The following ADGRE2 variants were observed in gnomAD, a reference collection of about 807,000 sequenced individuals.
ADGRE2 encodes the protein adhesion G protein-coupled receptor E2, also known as CD97 antigen.
A neutral mutation model predicts 100.8 loss-of-function variants in ADGRE2; 83 were observed. The ratio of observed to expected loss-of-function variants is 0.82; its 90% CI spans 0.69 to 0.99. The LOEUF (loss-of-function observed/expected upper bound fraction) is 0.99, where lower values mean the gene tolerates loss of function less well. Ranked by LOEUF, ADGRE2 falls within the 50% of genes least tolerant of loss-of-function variation. The pLI, the probability that ADGRE2 is intolerant of heterozygous loss-of-function variation, is 0.00. For missense variants in ADGRE2, 814 were observed against 1,035.7 expected (o/e 0.79, Z 2.94); for synonymous variants, 355 against 413.0 (o/e 0.86, Z 1.70).
At position 14,770,676 on chromosome 19, in the gene ADGRE2, T is replaced by C. The variant is rs1162325199; in HGVS notation, c.355+1666A>G. 2.7e-4 allele frequency among the ~76,000 whole-genome samples: 32 copies of C among 117,428 alleles called. 4 individuals carry two copies. Among genetic ancestry groups the C allele is most frequent in the African/African-American group, 8.0e-4 (24 of 29,842 alleles). The allele number at this position is 117,428 out of a possible 152,430, so 77.0% of individuals were successfully genotyped here. ...TTTTTGTTTCTTTCTTTTCTTTTTTTTTTTTTTTTTTTTTTTTTTTTGAGA... is the reference window on the plus strand; with the variant it reads ...TTTTTGTTTCTTTCTTTTCTTTTTTCTTTTTTTTTTTTTTTTTTTTTGAGA... On this transcript the variant is annotated intron_variant, in intron 5 of 20. Transcript: ENST00000315576.
chr19:14,756,210 C>A lies in ADGRE2; in HGVS notation c.1192+28G>T, dbSNP rs746707482. On this transcript the variant is annotated intron_variant, in intron 12 of 20. Coordinates refer to ENST00000315576, the MANE Select transcript of ADGRE2 (RefSeq NM_013447.4). ...CATCTTTTCCCACCATGAAGCTTCACTGACCACCTCCCCATCTCAGCCATT... is the reference window on the plus strand; with the variant it reads ...CATCTTTTCCCACCATGAAGCTTCAATGACCACCTCCCCATCTCAGCCATT... The A allele has an allele frequency of 2.7e-6, 4 of 1,505,458 alleles. No individual in the cohort carries two copies. In the South Asian group the frequency reaches 4.5e-5, roughly 17 times the overall value. The allele number at this position is 1,505,458 out of a possible 1,614,324, so 93.3% of individuals were successfully genotyped here. A position where few individuals can be genotyped will look rare whatever the true frequency, so the allele number is the denominator to read the frequency against.
the ADGRE2 span, among the ~76,000 whole-genome samples, chr19:14,726,476 G>T: frequency 6.6e-6 from 1 of 151,964 alleles, no homozygotes; most frequent in Non-Finnish European, 1.5e-5. Flanking sequence ...CTTCTTTACC[G>T]CATGGCCAGG....
chr19:14,758,401 G>A (rs2043575775), intron 11 of ADGRE2, among the ~76,000 whole-genome samples: 1 of 152,150 alleles, frequency 6.6e-6, no homozygotes, highest in African/African-American at 2.4e-5. Flanking sequence ...CAAATGGTGA[G>A]CAAACACATG....
In ADGRE2 at chr19:14,749,321, TATATA is replaced by T. The variant is rs552621116; in HGVS notation, c.2024+2110_2024+2114del. On this transcript the variant is annotated intron_variant, in intron 16 of 20. Transcript: ENST00000315576. ...TATGTAATTATATATGATATATACA[TATATA>T]ATATAATTATAATGATATGATAATA... 5.0e-3 allele frequency among the ~76,000 whole-genome samples: 550 copies of T among 109,882 alleles called. 5 individuals carry two copies. The highest frequency in any genetic ancestry group is 0.021 in the African/African-American group (525 of 25,100). The allele number at this position is 109,882 out of a possible 152,430, so 72.1% of individuals were successfully genotyped here. A position where few individuals can be genotyped will look rare whatever the true frequency, so the allele number is the denominator to read the frequency against.
Position 14,736,211 on chromosome 19 carries a change from G to A in ADGRE2, c.*25C>T. On this transcript the variant is annotated 3_prime_UTR_variant, in exon 21 of 21. Coordinates refer to ENST00000315576, the MANE Select transcript of ADGRE2 (RefSeq NM_013447.4). ...GTTCAGATTTTCCACGGGCAAAGAG[G>A]GAAGATCTTATTCAGAAGATTTTTC... 1.3e-6 allele frequency: 2 copies of A among 1,579,852 alleles called. No individual in the cohort carries two copies. The highest frequency in any genetic ancestry group is 1.7e-6 in the Non-Finnish European group (2 of 1,150,084).
downstream of ADGRE2, among the ~76,000 whole-genome samples, chr19:14,730,589 T>C (rs2042662786): frequency 2.0e-5 from 3 of 152,178 alleles, 1 homozygote; most frequent in South Asian, 6.2e-4. Flanking sequence ...TAAAAAAAGT[T>C]AAAGCTAGCA....
chr19:14,724,727 T>C, the ADGRE2 span, among the ~76,000 whole-genome samples: 2 of 152,088 alleles, frequency 1.3e-5, no homozygotes. Flanking sequence ...CATCATGCCA[T>C]TGCACTCCAG....
At chr19:14,759,503 A>ATTTTT (rs368205522) in intron 11 of ADGRE2, among the ~76,000 whole-genome samples, 1 of 133,378 alleles carries the variant, frequency 7.5e-6, no homozygotes, top group African/African-American at 3.0e-5. Context: ...ATATATATAT[A>ATTTTT]TTTTTTTTTT....
chr19:14,769,215 CA>C (rs768497458), intron 5 of ADGRE2, among the ~76,000 whole-genome samples: 3 of 87,952 alleles, frequency 3.4e-5, no homozygotes, highest in Admixed American at 1.2e-4. Flanking sequence ...CATGGTGAGA[CA>C]CCCCCCCCCC....
chr19:14,760,016 CA>C (rs2043659016), intron 11 of ADGRE2, among the ~76,000 whole-genome samples: 1 of 151,978 alleles, frequency 6.6e-6, no homozygotes, highest in African/African-American at 2.4e-5. Flanking sequence ...GATGGGGTTT[CA>C]CCCTGTTAGC....
At chr19:14,758,959 T>C (rs1324790549) in intron 11 of ADGRE2, among the ~76,000 whole-genome samples, 2 of 151,306 alleles carry the variant, frequency 1.3e-5, no homozygotes, top group East Asian at 3.9e-4. Context: ...GGTCTTCCGG[T>C]TGCGTGGTGA....
chr19:14,774,137 G>A (rs1226675965), intron 3 of ADGRE2, 83 bp from the exon 4 acceptor site: 10 of 1,514,502 alleles, frequency 6.6e-6, no homozygotes, highest in Non-Finnish European at 3.7e-6. Context: ...GGGGCAGAGC[G>A]CTGAGTTTCC....
intron 10 of ADGRE2, 54 bp downstream of exon 10, chr19:14,765,266 G>C: frequency 6.2e-7 from 1 of 1,602,518 alleles, no homozygotes; most frequent in Non-Finnish European, 8.5e-7. Flanking sequence ...CCAGGCCTCT[G>C]TGGGATGCAG....
Position 14,740,205 on chromosome 19 carries a change from A to G in ADGRE2, c.2463+3215T>C, listed in dbSNP as rs556046250. Among the ~76,000 whole-genome samples, 226 of 151,350 alleles carry G rather than the reference A, an allele frequency of 1.5e-3. 2 individuals carry two copies. Among genetic ancestry groups the G allele is most frequent in the Non-Finnish European group, 2.5e-3 (169 of 67,996 alleles). ...GAGAGCATGGAGTTTACAATGTGTC[A>G]TCATGATGACTTGGATTTGTGTGTG... On this transcript the variant is annotated intron_variant, in intron 20 of 20. Transcript: ENST00000315576.
intron 20 of ADGRE2, among the ~76,000 whole-genome samples, chr19:14,743,053 TC>T (rs1304669236): frequency 8.6e-5 from 13 of 152,012 alleles, no homozygotes; most frequent in African/African-American, 3.1e-4. Flanking sequence ...CACCTCAGCC[TC>T]CCGAGGAGTA....
Position 14,772,408 on chromosome 19 carries a change from T to A in ADGRE2, c.289A>T (p.Ser97Cys). The change falls in exon 5 of 21, where the codon AGC becomes TGC. Residue 97 changes from serine to cysteine, a missense_variant. Around this residue, in one of 5 missense-constraint regions of ADGRE2, gnomAD observed 143 missense variants for 160.3 expected, o/e 0.89. Coordinates refer to ENST00000315576, the MANE Select transcript of ADGRE2 (RefSeq NM_013447.4). ...NTEGSYDCVC[S>C]PGYEPVSGAK... ...CCAGAAACAGGCTCATATCCTGGGC[T>A]GCACACGCAGTCGTAGCTCCCCTCT... 1 of 1,614,126 alleles carries A rather than the reference T, an allele frequency of 6.2e-7. No individual in the cohort carries two copies. The highest frequency in any genetic ancestry group is 8.5e-7 in the Non-Finnish European group (1 of 1,180,038).
At chr19:14,759,505 T>TATATA (rs60321111) in intron 11 of ADGRE2, among the ~76,000 whole-genome samples, 31 of 61,406 alleles carry the variant, frequency 5.0e-4, no homozygotes, top group South Asian at 1.5e-3. Context: ...ATATATATAT[T>TATATA]TTTTTTTTTT....
chr19:14,747,846 C>T (rs1299446668), intron 16 of ADGRE2, among the ~76,000 whole-genome samples: 1 of 152,046 alleles, frequency 6.6e-6, no homozygotes, highest in African/African-American at 2.4e-5. Context: ...CTTAACGTTC[C>T]TTTTTATGGC....
rs1461636747 is a variant in ADGRE2, at chr19:14,735,749, A to G, written c.*487T>C. Reference sequence around the variant, plus strand: ...TATGTGTGAGTAATCAATATTTTTCACATGACTAAATAATCAAACCCGTAG... The same window carrying G: ...TATGTGTGAGTAATCAATATTTTTCGCATGACTAAATAATCAAACCCGTAG... On this transcript the variant is annotated 3_prime_UTR_variant, in exon 21 of 21. Coordinates refer to ENST00000315576, the MANE Select transcript of ADGRE2 (RefSeq NM_013447.4). 2 of 152,770 alleles carry G rather than the reference A, an allele frequency of 1.3e-5. No individual in the cohort carries two copies. Among genetic ancestry groups the G allele is most frequent in the Non-Finnish European group, 2.9e-5 (2 of 68,476 alleles). 9.5% of individuals were successfully genotyped at this position (152,770 alleles called of 1,614,324 possible). A position where few individuals can be genotyped will look rare whatever the true frequency, so the allele number is the denominator to read the frequency against.
Sources: gnomAD v4.1 joint callset for allele counts (sites outside exome capture counted in the v4.1 genomes callset) on GRCh38, gnomAD v4.1.1 for gene constraint, gnomAD v4.1.1 regional missense constraint, MANE v1.5 for transcripts, NCBI Gene and HGNC (gene_info 2026-07-23, HGNC 2026-07-21) for gene names.